The following XRCC3 variants were observed in gnomAD, a reference collection of about 807,000 sequenced individuals.
The protein encoded by XRCC3 is DNA repair protein XRCC3.
A neutral mutation model predicts 29.2 loss-of-function variants in XRCC3; 34 were observed. The ratio of observed to expected loss-of-function variants is 1.16; its 90% confidence interval spans 0.88 to 1.55. The LOEUF is 1.55. XRCC3 is among the 40% of genes most tolerant of loss of function. The pLI, the probability that XRCC3 is intolerant of heterozygous loss-of-function variation, is 0.00. For missense variants in XRCC3, 463 were observed against 467.6 expected (o/e 0.99, Z 0.09); for synonymous variants, 223 against 211.3 (o/e 1.06, Z -0.48).
chr14:103,702,509 C>T (rs1029749346), intron 7 of XRCC3: 2 of 154,704 alleles, frequency 1.3e-5, no homozygotes, highest in African/African-American at 4.8e-5. Flanking sequence ...CCTTGCCACC[C>T]GCCTGGGGCT....
intron 4 of XRCC3, chr14:103,709,119 T>TGGGGAGGGGAGCGCTGGGA: frequency 3.2e-6 from 1 of 311,226 alleles, no homozygotes; most frequent in Non-Finnish European, 6.3e-6. Flanking sequence ...ACATGTGCCC[T>TGGGGAGGGGAGCGCTGGGA]GGGGAGGGGA....
chr14:103,708,659 G>C lies in XRCC3; in HGVS notation c.56C>G (p.Ala19Gly). 1 of 1,614,132 alleles carries C rather than the reference G, an allele frequency of 6.2e-7. No homozygotes were observed. Among genetic ancestry groups the C allele is most frequent in the South Asian group, 1.1e-5 (1 of 91,088 alleles). The part of the protein sequence containing the change: ...NPRIIAAIKK[A>G]KLKSVKEVLH... Reference sequence around the variant, plus strand: ...AACCTCCTTTACCGATTTCAGTTTGGCTGAAATAACACAGATAAATTACAG... The same window carrying C: ...AACCTCCTTTACCGATTTCAGTTTGCCTGAAATAACACAGATAAATTACAG... Residue 19 changes from alanine (A) to glycine (G), a missense_variant and splice_region_variant, in exon 5 of 10, where the codon GCC becomes GGC. By Grantham distance (60) the Ala-to-Gly change is moderately conservative (BLOSUM62 0). Transcript: ENST00000555055.
At chr14:103,711,624 TC>T in intron 2 of XRCC3, 57 bp from the exon 3 acceptor site, 1 of 456,218 alleles carries the variant, frequency 2.2e-6, no homozygotes, top group South Asian at 1.5e-5. Flanking sequence ...GATCCAAACA[TC>T]AGTCGCCCCC....
intron 6 of XRCC3, chr14:103,703,986 T>G: frequency 6.4e-6 from 1 of 157,132 alleles, no homozygotes. Context: ...CACTCCTAGG[T>G]AGATACCCAA....
At chr14:103,710,858 A>G (rs2083601772) in intron 4 of XRCC3, 175 bp downstream of exon 4, 1 of 587,064 alleles carries the variant, frequency 1.7e-6, no homozygotes, top group Admixed American at 2.8e-5. Flanking sequence ...TTAAGAACAC[A>G]CACACACACA....
chr14:103,714,043 A>T (rs1307057829), intron 1 of XRCC3: 1 of 150,422 alleles, frequency 6.6e-6, no homozygotes, highest in African/African-American at 2.5e-5. Context: ...ACCAGATCTC[A>T]CTCTCCAGGG....
In XRCC3 at chr14:103,703,152, T is replaced by C. The variant is rs575905323; in HGVS notation, c.561+21A>G. ...TGAATAGCTTGCCTTGGGGGTGTCATGGGGCTTCTCCCACACTCACCACAT... is the reference window on the plus strand; with the variant it reads ...TGAATAGCTTGCCTTGGGGGTGTCACGGGGCTTCTCCCACACTCACCACAT... On this transcript the variant is annotated intron_variant, in intron 7 of 9. Coordinates refer to ENST00000555055, the MANE Select transcript of XRCC3 (RefSeq NM_005432.4). 18 of 1,561,084 alleles carry C rather than the reference T, an allele frequency of 1.2e-5. No individual in the cohort carries two copies. The Admixed American group carries it at 2.6e-4, about 23-fold the overall frequency.
At chr14:103,703,922 A>G (rs2083334007) in intron 6 of XRCC3, 1 of 162,944 alleles carries the variant, frequency 6.1e-6, no homozygotes, top group Non-Finnish European at 1.4e-5. Flanking sequence ...TGCAGCTCGG[A>G]AAACAATCGG....
At position 103,699,318 on chromosome 14, in the gene XRCC3, G is replaced by A. The variant is rs183521431; in HGVS notation, c.774+46C>T. 6.5e-5 allele frequency: 101 copies of A among 1,558,118 alleles called. 1 individual carries two copies. The Admixed American group carries it at 1.9e-3, about 29-fold the overall frequency. On this transcript the variant is annotated intron_variant, in intron 8 of 9. Coordinates refer to ENST00000555055, the MANE Select transcript of XRCC3 (RefSeq NM_005432.4). ...CAGACCGGCTCTGCTTCCGCATCCT[G>A]GCTAAAAATACGAGCTCAGGGGTGC...
At chr14:103,714,674 T>C (rs1216230995) in intron 1 of XRCC3, among the ~76,000 whole-genome samples, 1 of 152,144 alleles carries the variant, frequency 6.6e-6, no homozygotes, top group Non-Finnish European at 1.5e-5. Context: ...ACAAACATTT[T>C]CTTCTTTTTT....
chr14:103,702,462 G>C (rs2083259111), intron 7 of XRCC3: 1 of 152,980 alleles, frequency 6.5e-6, no homozygotes, highest in Non-Finnish European at 1.5e-5. Flanking sequence ...GTGGTCTCCT[G>C]GGGCAGCTGG....
At chr14:103,708,847 A>G (rs2083531434) in intron 4 of XRCC3, 188 bp from the exon 5 acceptor site, 2 of 713,602 alleles carry the variant, frequency 2.8e-6, no homozygotes, top group African/African-American at 1.7e-5. Context: ...ATGCACAGGC[A>G]CGAGGAAAGG....
intron 5 of XRCC3, chr14:103,707,515 C>T (rs972247214): frequency 5.4e-5 from 27 of 501,706 alleles, no homozygotes; most frequent in South Asian, 8.1e-5. Context: ...CAGAGAGCCC[C>T]GAGGCGCTCC....
intron 8 of XRCC3, 69 bp downstream of exon 8, chr14:103,699,295 G>T: frequency 6.5e-7 from 1 of 1,545,516 alleles, no homozygotes; most frequent in South Asian, 1.2e-5. Context: ...CCCACCTCCA[G>T]ACCGGCTCTG....
rs1370315160 is a variant in XRCC3, at chr14:103,706,979, C to T, written c.406+24G>A. Reference sequence around the variant, plus strand: ...GCAGGGGCCGCCCACCTGCCCAGACCCCACGGAAGGGGTGGCCACTCACCA... The same window carrying T: ...GCAGGGGCCGCCCACCTGCCCAGACTCCACGGAAGGGGTGGCCACTCACCA... On this transcript the variant is annotated intron_variant, in intron 6 of 9. Coordinates refer to ENST00000555055, the MANE Select transcript of XRCC3 (RefSeq NM_005432.4). 1.9e-6 allele frequency: 3 copies of T among 1,540,224 alleles called. No homozygotes were observed. The Admixed American group carries it at 5.8e-5, about 30-fold the overall frequency.
At chr14:103,703,894 G>T (rs1194244055) in intron 6 of XRCC3, 2 of 166,736 alleles carry the variant, frequency 1.2e-5, no homozygotes, top group East Asian at 1.7e-4. Flanking sequence ...GTGCACTGCC[G>T]CTAGGAATGT....
chr14:103,711,437 G>A (rs1186781828), intron 3 of XRCC3, 29 bp downstream of exon 3: 2 of 518,064 alleles, frequency 3.9e-6, no homozygotes, highest in Middle Eastern at 5.9e-4. Context: ...CCATCCTCCT[G>A]CAGCAGTTGA....
At chr14:103,699,317 T>A in intron 8 of XRCC3, 47 bp downstream of exon 8, 2 of 1,557,754 alleles carry the variant, frequency 1.3e-6, no homozygotes, top group Non-Finnish European at 1.7e-6. Context: ...TTCCGCATCC[T>A]GGCTAAAAAT....
In XRCC3 at chr14:103,708,410, C is replaced by T. The variant is rs559850666; in HGVS notation, c.193+112G>A. 1,295 of 1,496,318 alleles carry T rather than the reference C, an allele frequency of 8.7e-4. 1 individual carries two copies. The highest frequency in any genetic ancestry group is 1.1e-3 in the Non-Finnish European group (1,213 of 1,093,504). 92.7% of individuals were successfully genotyped at this position (1,496,318 alleles called of 1,614,324 possible). On this transcript the variant is annotated intron_variant, in intron 5 of 9. Transcript: ENST00000555055. ...CTCTGGGGCTGGAGCAGCTGCCACACGCCCTGAGGCTGGTCCCTGGGTGAA... is the reference window on the plus strand; with the variant it reads ...CTCTGGGGCTGGAGCAGCTGCCACATGCCCTGAGGCTGGTCCCTGGGTGAA...
Sources: gnomAD v4.1 joint callset for allele counts (sites outside exome capture counted in the v4.1 genomes callset) on GRCh38, gnomAD v4.1.1 for gene constraint, MANE v1.5 for transcripts, NCBI Gene and HGNC (gene_info 2026-07-23, HGNC 2026-07-21) for gene names.